Variants in COL5A2 observed in about 807,000 individuals in gnomAD.
COL5A2 encodes collagen alpha-2(V) chain.
In COL5A2, 23 loss-of-function variants were observed where a neutral mutation model predicts 208.2. The ratio of observed to expected loss-of-function variants is 0.11; its 90% CI spans 0.08 to 0.16. The LOEUF (loss-of-function observed/expected upper bound fraction) is 0.16, where lower values mean the gene tolerates loss of function less well. Ranked by LOEUF, COL5A2 falls within the 10% of genes least tolerant of loss-of-function variation. The probability of loss-of-function intolerance (pLI) is 1.00; values close to 1 mark genes in which losing one functional copy is unlikely to be tolerated. For synonymous variants in COL5A2, 625 were observed against 628.5 expected, an observed-to-expected ratio of 0.99 and a Z score of 0.08; for missense variants, 1,590 against 1,956.4, an observed-to-expected ratio of 0.81 and a Z score of 3.53.
the COL5A2 span, among the ~76,000 whole-genome samples, chr2:189,406,184 T>C: frequency 6.6e-6 from 1 of 152,320 alleles, no homozygotes; most frequent in Admixed American, 6.5e-5. Context: ...AATATCATTA[T>C]CAAACATGTG....
chr2:189,200,184 T>C (rs370773597), intron 1 of COL5A2, among the ~76,000 whole-genome samples: 1 of 152,198 alleles, frequency 6.6e-6, no homozygotes, highest in African/African-American at 2.4e-5. Flanking sequence ...TTTGATGGCA[T>C]AAATAATACC....
At chr2:189,195,200 T>A (rs777440509) in intron 1 of COL5A2, among the ~76,000 whole-genome samples, 21 of 152,284 alleles carry the variant, frequency 1.4e-4, no homozygotes, top group Non-Finnish European at 2.5e-4. Flanking sequence ...AAATCATGAA[T>A]GAACTCCCAT....
At chr2:189,354,339 A>C in the COL5A2 span, among the ~76,000 whole-genome samples, 2 of 152,176 alleles carry the variant, frequency 1.3e-5, no homozygotes, top group African/African-American at 4.8e-5. Context: ...TGTTTGGAAT[A>C]GTTTCTGAAT....
intron 53 of COL5A2, 106 bp from the exon 54 acceptor site, chr2:189,034,322 A>G: frequency 8.6e-7 from 1 of 1,160,276 alleles, no homozygotes; most frequent in South Asian, 1.3e-5. Flanking sequence ...AATGATTTTT[A>G]GAGTACTACT....
rs753973332 is a variant in COL5A2 at position 189,088,811 on chromosome 2, A to G, written c.568-39T>C. The G allele has an allele frequency of 2.6e-5, 39 of 1,486,418 alleles. No homozygotes were observed. The Admixed American group carries it at 6.5e-4, about 25-fold the overall frequency. 92.1% of individuals were successfully genotyped at this position (1,486,418 alleles called of 1,614,324 possible). On this transcript the variant is annotated intron_variant, in intron 7 of 53. Coordinates refer to ENST00000374866, the MANE Select transcript of COL5A2 (RefSeq NM_000393.5). ...ATGTTGACATTATTTCTACAGTAAAAGACATACATCAACGTCCTTTTCATA... is the reference window on the plus strand; with the variant it reads ...ATGTTGACATTATTTCTACAGTAAAGGACATACATCAACGTCCTTTTCATA...
intron 1 of COL5A2, among the ~76,000 whole-genome samples, chr2:189,139,349 C>A (rs1340251735): frequency 6.6e-6 from 1 of 152,092 alleles, no homozygotes; most frequent in African/African-American, 2.4e-5. Flanking sequence ...TTGAGAATGG[C>A]ACTTTACCTC....
chr2:189,188,839 C>G lies in COL5A2; in HGVS notation c.-42+36309G>C, dbSNP rs145052069. On this transcript the variant is annotated intron_variant, in intron 1 of 10. Coordinates refer to the COL5A2 transcript ENST00000649966. ...GCGACCAGAGGTCTGGGAAACGTGTCTTTTCTTGCTATAGAGAGGGCAGCA... is the reference window on the plus strand; with the variant it reads ...GCGACCAGAGGTCTGGGAAACGTGTGTTTTCTTGCTATAGAGAGGGCAGCA... 3.9e-5 allele frequency among the ~76,000 whole-genome samples: 6 copies of G among 152,302 alleles called. No homozygotes were observed. In the East Asian group the frequency reaches 1.2e-3, roughly 29 times the overall value.
the COL5A2 span, among the ~76,000 whole-genome samples, chr2:189,327,339 A>G: frequency 6.6e-6 from 1 of 152,154 alleles, no homozygotes; most frequent in African/African-American, 2.4e-5. Context: ...ACAAATAGCA[A>G]GAAGGAGAAA....
chr2:189,064,479 A>C, intron 25 of COL5A2, 78 bp downstream of exon 25: 1 of 1,022,828 alleles, frequency 9.8e-7, no homozygotes, highest in Non-Finnish European at 1.5e-6. Flanking sequence ...TAAATTTAAA[A>C]ACAAACAAAA....
the COL5A2 span, among the ~76,000 whole-genome samples, chr2:189,369,758 T>G: frequency 6.6e-6 from 1 of 152,298 alleles, no homozygotes; most frequent in South Asian, 2.1e-4. Context: ...TGTAATAGCT[T>G]CATGGGCAAA....
intron 1 of COL5A2, among the ~76,000 whole-genome samples, chr2:189,142,075 AG>A (rs1687944842): frequency 1.3e-5 from 2 of 152,172 alleles, no homozygotes; most frequent in South Asian, 4.1e-4. Context: ...AACATTGTAT[AG>A]ACTTGATAAG....
At chr2:189,190,870 G>A (rs1193047698) in intron 1 of COL5A2, among the ~76,000 whole-genome samples, 1 of 152,178 alleles carries the variant, frequency 6.6e-6, no homozygotes, top group African/African-American at 2.4e-5. Context: ...CTTTGAGAAT[G>A]CAGATATGTA....
rs1211898666 is a variant in COL5A2, at chr2:189,034,776, C to T, written c.4353+140G>A. The T allele has an allele frequency of 1.2e-5, 11 of 934,974 alleles. No individual in the cohort carries two copies. In the East Asian group the frequency reaches 2.9e-4, roughly 24 times the overall value. The allele number at this position is 934,974 out of a possible 1,614,324, so 57.9% of individuals were successfully genotyped here. On this transcript the variant is annotated intron_variant, in intron 53 of 53. Coordinates refer to ENST00000374866, the MANE Select transcript of COL5A2 (RefSeq NM_000393.5). ...ATGTGCTAACACACACACATTTACCCTAAGGAATGACTATAAACAAACTGC... is the reference window on the plus strand; with the variant it reads ...ATGTGCTAACACACACACATTTACCTTAAGGAATGACTATAAACAAACTGC...
At chr2:189,147,384 G>T (rs985757295) in intron 1 of COL5A2, among the ~76,000 whole-genome samples, 4 of 152,162 alleles carry the variant, frequency 2.6e-5, no homozygotes, top group African/African-American at 9.7e-5. Context: ...CATAAAGACA[G>T]AATTCAGCGA....
upstream of COL5A2, among the ~76,000 whole-genome samples, chr2:189,183,977 T>C (rs1576578894): frequency 6.6e-6 from 1 of 152,288 alleles, no homozygotes. Flanking sequence ...AAATATTTAT[T>C]GAGGGTCTAT....
chr2:189,275,096 C>A, the COL5A2 span, among the ~76,000 whole-genome samples: 1 of 152,086 alleles, frequency 6.6e-6, no homozygotes, highest in African/African-American at 2.4e-5. Flanking sequence ...TATATTAAAT[C>A]AAGCATGAGC....
intron 2 of COL5A2, among the ~76,000 whole-genome samples, chr2:189,105,198 T>C (rs1051894585): frequency 1.3e-5 from 2 of 151,810 alleles, no homozygotes; most frequent in African/African-American, 4.8e-5. Flanking sequence ...ACGTATACGC[T>C]ACATGCAAGT....
the COL5A2 span, among the ~76,000 whole-genome samples, chr2:189,392,831 A>T: frequency 1.3e-5 from 2 of 152,208 alleles, no homozygotes; most frequent in Non-Finnish European, 2.9e-5. Flanking sequence ...GATTTAGTCT[A>T]GTGATGAATT....
chr2:189,050,942 G>T (rs527640185), intron 42 of COL5A2, among the ~76,000 whole-genome samples: 1 of 152,112 alleles, frequency 6.6e-6, no homozygotes, highest in South Asian at 2.1e-4. Flanking sequence ...TAACTTCAGA[G>T]AAATATTTTT....
Sources: allele counts gnomAD v4.1 joint callset (sites outside exome capture counted in the v4.1 genomes callset), GRCh38; gene constraint gnomAD v4.1.1; transcripts MANE v1.5; gene names NCBI Gene and HGNC (gene_info 2026-07-23, HGNC 2026-07-21).